OPCML: variants seen among roughly 807,000 people sequenced by gnomAD.
OPCML encodes opioid binding protein/cell adhesion molecule like.
OPCML carries 13 observed loss-of-function variants against 37.8 expected under a neutral mutation model. That is an observed-to-expected ratio of 0.34 (90% CI 0.22 to 0.55). The LOEUF (loss-of-function observed/expected upper bound fraction) is 0.55. OPCML is among the 20% of genes least tolerant of loss of function. The pLI, the probability that OPCML is intolerant of heterozygous loss-of-function variation, is 0.91. For synonymous variants in OPCML, 176 were observed against 168.8 expected (o/e 1.04, Z -0.33); for missense variants, 341 against 435.6 (o/e 0.78, Z 1.93).
intron 1 of OPCML, among the ~76,000 whole-genome samples, chr11:133,398,610 T>TAA (rs112784318): frequency 6.7e-6 from 1 of 150,028 alleles, no homozygotes; most frequent in East Asian, 1.9e-4. Context: ...TATCTTTTTT[T>TAA]AAAAAAAAAA....
chr11:133,171,189 G>A (rs1950284055), intron 1 of OPCML, among the ~76,000 whole-genome samples: 1 of 152,226 alleles, frequency 6.6e-6, no homozygotes, highest in South Asian at 2.1e-4. Context: ...CCTGTCTGCA[G>A]TTACCAATTC....
intron 4 of OPCML, among the ~76,000 whole-genome samples, chr11:132,504,821 T>C (rs549433314): frequency 1.2e-4 from 18 of 152,144 alleles, no homozygotes; most frequent in African/African-American, 4.3e-4. Flanking sequence ...CCAGCACTGA[T>C]GCAACACGGT....
At chr11:133,086,524 T>G (rs1948821192) in intron 1 of OPCML, among the ~76,000 whole-genome samples, 1 of 152,232 alleles carries the variant, frequency 6.6e-6, no homozygotes, top group Admixed American at 6.5e-5. Context: ...ATGAAAATTC[T>G]GCTTAAATAA....
intron 1 of OPCML, among the ~76,000 whole-genome samples, chr11:133,074,368 G>A (rs1363459907): frequency 6.6e-6 from 1 of 152,220 alleles, no homozygotes; most frequent in Admixed American, 6.5e-5. Context: ...CTCTAGTAAA[G>A]CAGTGGTCCC....
chr11:133,421,302 G>T, intron 1 of OPCML: 1 of 985,418 alleles, frequency 1.0e-6, no homozygotes, highest in Non-Finnish European at 1.2e-6. Flanking sequence ...AATGTGGTCA[G>T]CTGTGGGCTC....
intron 2 of OPCML, among the ~76,000 whole-genome samples, chr11:132,819,564 T>C (rs549306096): frequency 1.3e-5 from 2 of 152,332 alleles, no homozygotes; most frequent in African/African-American, 4.8e-5. Context: ...CAATAGATCA[T>C]AGCCAAATTA....
intron 4 of OPCML, among the ~76,000 whole-genome samples, chr11:132,457,285 A>C (rs921803829): frequency 1.3e-5 from 2 of 152,232 alleles, no homozygotes; most frequent in Non-Finnish European, 2.9e-5. Flanking sequence ...GTCGTAGGGC[A>C]TGGCTGCTTC....
intron 1 of OPCML, among the ~76,000 whole-genome samples, chr11:133,221,593 G>A (rs187346364): frequency 1.6e-4 from 24 of 152,230 alleles, no homozygotes; most frequent in African/African-American, 4.6e-4. Flanking sequence ...TCCAAGACCC[G>A]CCCCTGTGTG....
chr11:132,606,657 A>G (rs780232435), intron 3 of OPCML, among the ~76,000 whole-genome samples: 10 of 133,530 alleles, frequency 7.5e-5, no homozygotes, highest in Non-Finnish European at 1.6e-4. Flanking sequence ...CCCTTTTCCC[A>G]CTTCTGGGCC....
intron 2 of OPCML, among the ~76,000 whole-genome samples, chr11:132,888,773 T>C (rs1053022080): frequency 1.6e-4 from 24 of 152,062 alleles, no homozygotes. Flanking sequence ...ATCTCTAATG[T>C]CTTCTTTCAA....
intron 3 of OPCML, among the ~76,000 whole-genome samples, chr11:132,629,597 A>G (rs1939969663): frequency 6.6e-6 from 1 of 152,190 alleles, no homozygotes; most frequent in Admixed American, 6.5e-5. Flanking sequence ...TGCCAATAAT[A>G]TCCTCTTTTA....
At chr11:132,603,668 A>T (rs776972370) in intron 3 of OPCML, among the ~76,000 whole-genome samples, 1 of 152,204 alleles carries the variant, frequency 6.6e-6, no homozygotes, top group Non-Finnish European at 1.5e-5. Flanking sequence ...GAAGGATAAC[A>T]TCAAAACTTA....
chr11:133,168,390 G>T (rs1245266821), intron 1 of OPCML, among the ~76,000 whole-genome samples: 4 of 152,088 alleles, frequency 2.6e-5, no homozygotes, highest in Non-Finnish European at 5.9e-5. Flanking sequence ...TGCCAATATG[G>T]TCCTGTTTTC....
chr11:133,117,733 A>C (rs1949358731), intron 1 of OPCML: 1 of 924,500 alleles, frequency 1.1e-6, no homozygotes, highest in Non-Finnish European at 1.3e-6. Context: ...AACTGTAGGA[A>C]ATGAAAATGA....
In OPCML at chr11:133,384,987, T is replaced by C. The variant is rs1262608965; in HGVS notation, c.61+147277A>G. Among the ~76,000 whole-genome samples, 6 of 152,296 alleles carry C rather than the reference T, an allele frequency of 3.9e-5. No homozygotes were observed. In the East Asian group the frequency reaches 5.8e-4, roughly 15 times the overall value. On this transcript the variant is annotated intron_variant, in intron 1 of 7. Transcript: ENST00000524381. ...GCCAGATCCCAGGGTGGCCCCGAGG[T>C]CTCCGCCTCTGGGTGCCACACCCTT...
At chr11:133,414,838 G>T (rs1317377202) in intron 1 of OPCML, among the ~76,000 whole-genome samples, 1 of 152,216 alleles carries the variant, frequency 6.6e-6, no homozygotes. Context: ...CTTGCTGGCT[G>T]TGACATCCTG....
intron 1 of OPCML, among the ~76,000 whole-genome samples, chr11:133,284,560 G>A (rs1254564854): frequency 6.6e-6 from 1 of 152,108 alleles, no homozygotes; most frequent in African/African-American, 2.4e-5. Flanking sequence ...GAAGGGAGTC[G>A]GACTTTTACT....
chr11:133,241,508 T>G (rs973747054), intron 1 of OPCML, among the ~76,000 whole-genome samples: 2 of 152,254 alleles, frequency 1.3e-5, no homozygotes, highest in African/African-American at 4.8e-5. Flanking sequence ...TAGGCATGTT[T>G]TATCGTCATA....
At chr11:133,499,388 A>G (rs1947856730) in intron 1 of OPCML, among the ~76,000 whole-genome samples, 1 of 152,216 alleles carries the variant, frequency 6.6e-6, no homozygotes, top group Non-Finnish European at 1.5e-5. Flanking sequence ...TAGTGTTAAC[A>G]TCTGTTACAT....
Sources: allele counts gnomAD v4.1 joint callset (sites outside exome capture counted in the v4.1 genomes callset), GRCh38; gene constraint gnomAD v4.1.1; transcripts MANE v1.5; gene names NCBI Gene and HGNC (gene_info 2026-07-23, HGNC 2026-07-21).